PML: variants seen among roughly 807,000 people sequenced by gnomAD.
PML encodes the protein protein PML.
In PML, 28 loss-of-function variants were observed where a neutral mutation model predicts 65.2. The observed-to-expected ratio is 0.43, with a 90% confidence interval of 0.32 to 0.59. The LOEUF is 0.59. PML is among the 20% of genes least tolerant of loss of function. PML has a pLI of 0.08. For missense variants in PML, 1,021 were observed against 1,203.4 expected (o/e 0.85, Z 2.24); for synonymous variants, 500 against 508.8 (o/e 0.98, Z 0.23).
intron 2 of PML, among the ~76,000 whole-genome samples, chr15:74,010,533 A>AG (rs1555440765): frequency 1.5e-4 from 22 of 149,216 alleles, no homozygotes; most frequent in African/African-American, 4.4e-4. Flanking sequence ...AAAAAAAAAA[A>AG]AAAGAAATTA....
chr15:74,029,901 T>G (rs748470456), intron 4 of PML, among the ~76,000 whole-genome samples: 1 of 152,106 alleles, frequency 6.6e-6, no homozygotes, highest in Non-Finnish European at 1.5e-5. Context: ...GCTCACACTC[T>G]CTAATCCAGA....
Position 74,001,876 on chromosome 15 carries a change from T to C in PML, c.602+3400T>C, listed in dbSNP as rs530533999. ...TTAGCCAGGCATGGTCGGTGGTACA[T>C]GCTTGTAGTCCCAGTTATTTGGGAG... On this transcript the variant is annotated intron_variant, in intron 2 of 8. Coordinates refer to ENST00000268058, the MANE Select transcript of PML (RefSeq NM_033238.3). 1.3e-5 allele frequency among the ~76,000 whole-genome samples: 2 copies of C among 152,190 alleles called. 1 individual carries two copies. The highest frequency in any genetic ancestry group is 4.1e-4 in the South Asian group (2 of 4,828).
rs773565907 is a variant in PML at position 73,994,947 on chromosome 15, A to G, written c.129+6A>G. The stretch of plus-strand genomic sequence containing the variant: ...CCAGCCCCAGCCCTACAGAGGTACT[A>G]TTGGGTTAGGGGATGATGGGGTTAA... On this transcript the variant is annotated splice_donor_region_variant and intron_variant, in intron 1 of 8. Transcript: ENST00000268058. 36 of 1,535,968 alleles carry G rather than the reference A, an allele frequency of 2.3e-5. No homozygotes were observed. The highest frequency in any genetic ancestry group is 3.1e-5 in the Non-Finnish European group (35 of 1,139,626).
chr15:74,023,165 A>G lies in PML; in HGVS notation c.940A>G (p.Ser314Gly). Residue 314 changes from serine to glycine, a missense_variant, in exon 3 of 9, where the codon AGT becomes GGT. By Grantham distance (56) the Ser-to-Gly change is moderately conservative (BLOSUM62 0). Transcript: ENST00000268058. ...RYQRDYEEMA[S>G]RLGRLDAVLQ... ...CCAGCGCGACTACGAGGAGATGGCC[A>G]GTCGGCTGGGCCGCCTGGATGCTGT... is the stretch of plus-strand genomic sequence containing the variant. 1 of 1,605,610 alleles carries G rather than the reference A, an allele frequency of 6.2e-7. No individual in the cohort carries two copies. Among genetic ancestry groups the G allele is most frequent in the African/African-American group, 1.3e-5 (1 of 74,936 alleles).
In PML at chr15:74,043,430, T is replaced by G. The variant is rs55643282; in HGVS notation, c.1861+291T>G. ...CAGACAGAGAGCCTGGGGAACACAC[T>G]CCTAGACAGAAACACAATGCGTGAG... On this transcript the variant is annotated intron_variant, in intron 8 of 8. Coordinates refer to ENST00000268058, the MANE Select transcript of PML (RefSeq NM_033238.3). This position sits in a 1 kb window ranked among gnomAD's most constrained non-coding sequence, Gnocchi z 4.3. 37,749 of 1,378,184 alleles carry G rather than the reference T, an allele frequency of 0.027. 742 individuals are homozygous for G. Among genetic ancestry groups the G allele is most frequent in the African/African-American group, 0.091 (6,268 of 68,774 alleles). The allele number at this position is 1,378,184 out of a possible 1,614,324, so 85.4% of individuals were successfully genotyped here.
chr15:74,018,873 G>T (rs2070714124), intron 2 of PML, among the ~76,000 whole-genome samples: 2 of 152,244 alleles, frequency 1.3e-5, no homozygotes, highest in Non-Finnish European at 2.9e-5. Context: ...ATACGGTTAA[G>T]TCTGGGTTCT....
At position 74,038,605 on chromosome 15, in the gene PML, C is replaced by G. The variant is rs918641640; in HGVS notation, c.1710+4075C>G. Among the ~76,000 whole-genome samples the G allele has an allele frequency of 1.3e-4, 20 of 152,270 alleles. No individual in the cohort carries two copies. The East Asian group carries it at 3.9e-3, about 29-fold the overall frequency. On this transcript the variant is annotated intron_variant, in intron 7 of 8. Coordinates refer to ENST00000268058, the MANE Select transcript of PML (RefSeq NM_033238.3). ...CAACTTCTGGGCCCTTTCCAGACCC[C>G]TGGTGCCCCCAGAGTACACCCAGCA... is the stretch of plus-strand genomic sequence containing the variant.
chr15:74,032,573 C>T lies in PML; in HGVS notation c.1256C>T (p.Pro419Leu), dbSNP rs866169120. The T allele has an allele frequency of 1.9e-6, 3 of 1,614,148 alleles. No individual in the cohort carries two copies. The highest frequency in any genetic ancestry group is 2.5e-6 in the Non-Finnish European group (3 of 1,180,020). Reference protein sequence around the residue: ...TPRDPIDVDLPEEAERVKAQV... With the variant: ...TPRDPIDVDLLEEAERVKAQV... Reference sequence around the variant, plus strand: ...GACTCAATTTTCCCAACTTTGCAGCCCGAGGAGGCAGAGAGAGTGAAGGCC... The same window carrying T: ...GACTCAATTTTCCCAACTTTGCAGCTCGAGGAGGCAGAGAGAGTGAAGGCC... Residue 419 changes from proline to leucine, a missense_variant and splice_region_variant, in exon 5 of 9, where the codon CCC (proline) becomes CTC (leucine). Transcript: ENST00000268058.
chr15:74,044,128 G>A lies in PML; in HGVS notation c.1862-93G>A. 19 of 1,250,140 alleles carry A rather than the reference G, an allele frequency of 1.5e-5. No homozygotes were observed. The South Asian group carries it at 2.3e-4, about 15-fold the overall frequency. The allele number at this position is 1,250,140 out of a possible 1,614,324, so 77.4% of individuals were successfully genotyped here. A position where few individuals can be genotyped will look rare whatever the true frequency, so the allele number is the denominator to read the frequency against. Reference sequence around the variant, plus strand: ...AGCAGACCCCAAGGTGAGGTCTCTAGATGGTGAGTCAGCAGCCCTAGAGGA... The same window carrying A: ...AGCAGACCCCAAGGTGAGGTCTCTAAATGGTGAGTCAGCAGCCCTAGAGGA... On this transcript the variant is annotated intron_variant, in intron 8 of 8. Transcript: ENST00000268058.
At position 74,045,099 on chromosome 15, in the gene PML, C is replaced by T. The variant is rs1446061556; in HGVS notation, c.*91C>T. 1.7e-6 allele frequency: 2 copies of T among 1,178,744 alleles called. No homozygotes were observed. The highest frequency in any genetic ancestry group is 2.4e-6 in the Non-Finnish European group (2 of 847,218). The allele number at this position is 1,178,744 out of a possible 1,614,324, so 73.0% of individuals were successfully genotyped here. ...CCACCCATCACAGCATTCCCAGGTC[C>T]TGGTACCCAGCCCTCAGTTGTCATT... On this transcript the variant is annotated 3_prime_UTR_variant, in exon 9 of 9. Transcript: ENST00000268058.
chr15:74,033,197 C>A lies in PML; in HGVS notation c.1440C>A (p.Ser480Arg), dbSNP rs773669860. ...NTTTAQKRKC[S>R]QTQCPRKVIK... ...CGACAGCCCAGAAGAGGAAGTGCAG[C>A]CAGACCCAGTGCCCCAGGAAGGTCA... Residue 480 changes from serine (S) to arginine (R), a missense_variant, in exon 6 of 9, where the codon AGC becomes AGA. Transcript: ENST00000268058. 1.2e-6 allele frequency: 2 copies of A among 1,614,166 alleles called. No homozygotes were observed. The highest frequency in any genetic ancestry group is 3.3e-5 in the Admixed American group (2 of 60,022).
At chr15:74,023,699 A>G (rs943440843) in intron 3 of PML, among the ~76,000 whole-genome samples, 1 of 152,186 alleles carries the variant, frequency 6.6e-6, no homozygotes. Context: ...TGCAAAGCTG[A>G]GAATCAGACC....
At chr15:74,024,808 C>G (rs1220382100) in intron 3 of PML, 49 bp from the exon 4 acceptor site, 1 of 1,363,514 alleles carries the variant, frequency 7.3e-7, no homozygotes, top group Non-Finnish European at 1.1e-6. Context: ...CAGGATGTCC[C>G]TTACCAGCAT....
intron 5 of PML, 131 bp downstream of exon 5, chr15:74,032,846 C>T (rs1025792616): frequency 1.2e-5 from 11 of 950,572 alleles, no homozygotes; most frequent in Non-Finnish European, 1.7e-5. Flanking sequence ...TGCTCAACGC[C>T]TTCTCTGTGC....
intron 1 of PML, among the ~76,000 whole-genome samples, chr15:73,995,716 G>A (rs1595871846): frequency 6.6e-6 from 1 of 152,046 alleles, no homozygotes; most frequent in African/African-American, 2.4e-5. Flanking sequence ...GTTTTTTTTT[G>A]TTGTTGTTTG....
At position 74,044,586 on chromosome 15, in the gene PML, G is replaced by T. The variant is rs566939707; in HGVS notation, c.2227G>T (p.Ala743Ser). The change falls in exon 9 of 9, where the codon GCC becomes TCC. Residue 743 changes from alanine to serine, a missense_variant. Transcript: ENST00000268058. Reference protein sequence around the residue: ...YLARNMSERSAMAAVLAMRDL... With the variant: ...YLARNMSERSSMAAVLAMRDL... ...GGCGAGAAACATGAGCGAGCGCAGC[G>T]CCATGGCTGCCGTGCTGGCCATGCG... The T allele has an allele frequency of 1.2e-6, 2 of 1,609,486 alleles. No homozygotes were observed. Among genetic ancestry groups the T allele is most frequent in the South Asian group, 2.2e-5 (2 of 91,082 alleles).
intron 7 of PML, among the ~76,000 whole-genome samples, chr15:74,039,585 C>CA (rs2071650592): frequency 6.6e-6 from 1 of 152,162 alleles, no homozygotes; most frequent in South Asian, 2.1e-4. Context: ...GTGATAAGGA[C>CA]AATTGTTCTC....
Position 74,023,290 on chromosome 15 carries a change from G to T in PML, c.1065G>T (p.Ala355=), listed in dbSNP as rs769063307. ...VLDMHGFLRQ[A]LCRLRQEEPQ... ...ACATGCACGGTTTCCTGCGCCAGGCGCTCTGCCGCCTGCGCCAGGAGGAGC... is the reference window on the plus strand; with the variant it reads ...ACATGCACGGTTTCCTGCGCCAGGCTCTCTGCCGCCTGCGCCAGGAGGAGC... Residue 355 remains alanine, a synonymous_variant, in exon 3 of 9, where the codon GCG becomes GCT. Coordinates refer to ENST00000268058, the MANE Select transcript of PML (RefSeq NM_033238.3). 6.2e-7 allele frequency: 1 copy of T among 1,609,810 alleles called. No homozygotes were observed. The highest frequency in any genetic ancestry group is 2.2e-5 in the East Asian group (1 of 44,858).
rs757172711 is a variant in PML at position 74,043,104 on chromosome 15, C to T, written c.1826C>T (p.Pro609Leu). The T allele has an allele frequency of 6.2e-7, 1 of 1,613,490 alleles. No homozygotes were observed. Among genetic ancestry groups the T allele is most frequent in the Admixed American group, 1.7e-5 (1 of 59,950 alleles). The change falls in exon 8 of 9, where the codon CCT (proline) becomes CTT (leucine). Residue 609 changes from proline to leucine, a missense_variant. Transcript: ENST00000268058. This position sits in a 1 kb window ranked among gnomAD's most constrained non-coding sequence, Gnocchi z 4.3. ...NLADPQAEDR[P>L]LVFFDLKIDN... ...GCTGACCCCCAAGCAGAAGACAGACCTCTGGTTTTCTTTGACCTCAAGATT... is the reference window on the plus strand; with the variant it reads ...GCTGACCCCCAAGCAGAAGACAGACTTCTGGTTTTCTTTGACCTCAAGATT...
Sources: gnomAD v4.1 joint callset for allele counts (sites outside exome capture counted in the v4.1 genomes callset) on GRCh38, gnomAD v4.1.1 for gene constraint, Gnocchi (gnomAD v3.1) non-coding constraint, MANE v1.5 for transcripts, NCBI Gene and HGNC (gene_info 2026-07-23, HGNC 2026-07-21) for gene names.